TINAG: variants seen among roughly 807,000 people sequenced by gnomAD.
TINAG encodes the protein tubulointerstitial nephritis antigen.
In TINAG, 83 loss-of-function variants were observed where a neutral mutation model predicts 72.7. The ratio of observed to expected loss-of-function variants is 1.14; its 90% CI spans 0.96 to 1.37. TINAG has a LOEUF of 1.37. TINAG is among the 40% of genes most tolerant of loss of function. The pLI, the probability that TINAG is intolerant of heterozygous loss-of-function variation, is 0.00. For synonymous variants in TINAG, 234 were observed against 189.9 expected, an observed-to-expected ratio of 1.23 and a Z score of -1.91; for missense variants, 685 against 576.6, an observed-to-expected ratio of 1.19 and a Z score of -1.93.
rs1166023833 is a variant in TINAG, at chr6:54,380,507, T to C, written c.1251-19T>C. The C allele has an allele frequency of 1.2e-6, 2 of 1,603,030 alleles. No homozygotes were observed. The highest frequency in any genetic ancestry group is 1.7e-6 in the Non-Finnish European group (2 of 1,173,392). ...AACATTTTAACCATACCAATCTTTATTATTGTTATTAATTGTAGATGGGGC... is the reference window on the plus strand; with the variant it reads ...AACATTTTAACCATACCAATCTTTACTATTGTTATTAATTGTAGATGGGGC... On this transcript the variant is annotated intron_variant, in intron 9 of 10. Coordinates refer to ENST00000259782, the MANE Select transcript of TINAG (RefSeq NM_014464.4).
intron 4 of TINAG, among the ~76,000 whole-genome samples, chr6:54,329,252 C>A (rs1784681272): frequency 6.6e-6 from 1 of 152,076 alleles, no homozygotes; most frequent in Non-Finnish European, 1.5e-5. Context: ...CAAAGGGAAG[C>A]CCATCAGACT....
chr6:54,308,220 T>C, upstream of TINAG: 1 of 1,104,086 alleles, frequency 9.1e-7, no homozygotes, highest in South Asian at 1.4e-5. Flanking sequence ...CCTAGATTTT[T>C]TGAGAGGCAT....
At chr6:54,362,701 G>A (rs1056791295) in intron 9 of TINAG, among the ~76,000 whole-genome samples, 26 of 151,452 alleles carry the variant, frequency 1.7e-4, no homozygotes. Context: ...TTCTCTGATG[G>A]ATCTTGGCAA....
intron 1 of TINAG, among the ~76,000 whole-genome samples, chr6:54,315,747 C>A (rs2150931328): frequency 6.6e-6 from 1 of 151,856 alleles, no homozygotes; most frequent in South Asian, 2.1e-4. Flanking sequence ...GAAAACAGAG[C>A]TCGAGTGGAT....
rs192998197 is a variant in TINAG, at chr6:54,361,379, A to T, written c.1250+6743A>T. Among the ~76,000 whole-genome samples, 164 of 151,778 alleles carry T rather than the reference A, an allele frequency of 1.1e-3. 1 individual carries two copies. The highest frequency in any genetic ancestry group is 1.1e-3 in the Non-Finnish European group (72 of 67,794). ...GGCTGTGCAGGAGGTATGACTGGAG[A>T]GGTTTCAGGAAACTTACAATCATGG... is the stretch of plus-strand genomic sequence containing the variant. On this transcript the variant is annotated intron_variant, in intron 9 of 10. Coordinates refer to ENST00000259782, the MANE Select transcript of TINAG (RefSeq NM_014464.4).
chr6:54,375,426 A>C (rs971665870), intron 9 of TINAG, among the ~76,000 whole-genome samples: 1 of 152,166 alleles, frequency 6.6e-6, no homozygotes, highest in Non-Finnish European at 1.5e-5. Context: ...AACTAACCGG[A>C]TAATCAGAAA....
At chr6:54,382,582 A>ATAT (rs1387713853) in intron 10 of TINAG, among the ~76,000 whole-genome samples, 4 of 152,112 alleles carry the variant, frequency 2.6e-5, no homozygotes, top group Non-Finnish European at 4.4e-5. Flanking sequence ...ACAGATATAG[A>ATAT]TGATATAGAT....
intron 3 of TINAG, among the ~76,000 whole-genome samples, chr6:54,321,649 A>T (rs192805123): frequency 6.6e-6 from 1 of 152,262 alleles, no homozygotes; most frequent in East Asian, 1.9e-4. Flanking sequence ...GTGGAGGGAA[A>T]GCTACTTTGG....
chr6:54,376,486 A>G (rs1422157178), intron 9 of TINAG, among the ~76,000 whole-genome samples: 2 of 152,174 alleles, frequency 1.3e-5, no homozygotes, highest in African/African-American at 4.8e-5. Context: ...GGCATCTAAT[A>G]TGACTTCACT....
chr6:54,364,706 T>G (rs1238342327), intron 9 of TINAG, among the ~76,000 whole-genome samples: 1 of 151,408 alleles, frequency 6.6e-6, no homozygotes, highest in Non-Finnish European at 1.5e-5. Context: ...AAGCCATAGT[T>G]TTCTATTTTA....
At chr6:54,315,679 T>TAA (rs547071002) in intron 1 of TINAG, among the ~76,000 whole-genome samples, 5 of 89,166 alleles carry the variant, frequency 5.6e-5, no homozygotes, top group African/African-American at 1.1e-4. Flanking sequence ...CCTGTCAAAG[T>TAA]AAAAAAAAAA....
chr6:54,318,714 G>A (rs1307225418), intron 1 of TINAG, among the ~76,000 whole-genome samples: 1 of 152,158 alleles, frequency 6.6e-6, no homozygotes. Context: ...GACGATCTCT[G>A]TAAATGCTGT....
chr6:54,308,752 G>T lies in TINAG; in HGVS notation c.202G>T (p.Asp68Tyr). Reference protein sequence around the residue: ...RNFGCCEDRDDGCVTEFYAAN... With the variant: ...RNFGCCEDRDYGCVTEFYAAN... Reference sequence around the variant, plus strand: ...TTTTGGCTGTTGTGAAGACAGAGATGATGGCTGTGTCACTGAGTTCTATGC... The same window carrying T: ...TTTTGGCTGTTGTGAAGACAGAGATTATGGCTGTGTCACTGAGTTCTATGC... The change falls in exon 1 of 11, where the codon GAT becomes TAT. Residue 68 changes from aspartate (D) to tyrosine (Y), a missense_variant. By Grantham distance (160) the Asp-to-Tyr change is radical. Transcript: ENST00000259782. The T allele has an allele frequency of 6.2e-7, 1 of 1,613,926 alleles. No individual in the cohort carries two copies. Among genetic ancestry groups the T allele is most frequent in the Non-Finnish European group, 8.5e-7 (1 of 1,179,886 alleles).
intron 4 of TINAG, among the ~76,000 whole-genome samples, chr6:54,327,622 A>G (rs1050835665): frequency 6.6e-5 from 10 of 152,010 alleles, no homozygotes; most frequent in African/African-American, 2.4e-4. Flanking sequence ...ACTTTCCTGG[A>G]AAGTGGGCTG....
At chr6:54,374,364 A>G (rs888346844) in intron 9 of TINAG, among the ~76,000 whole-genome samples, 3 of 152,060 alleles carry the variant, frequency 2.0e-5, no homozygotes, top group African/African-American at 7.2e-5. Context: ...GATATATTGA[A>G]CCCTAGCTTG....
chr6:54,376,650 A>G (rs1763791020), intron 9 of TINAG, among the ~76,000 whole-genome samples: 1 of 152,194 alleles, frequency 6.6e-6, no homozygotes, highest in Non-Finnish European at 1.5e-5. Context: ...TAGCATAGTT[A>G]TCTAAAAAGA....
At chr6:54,384,573 C>T (rs1206680504) in intron 10 of TINAG, among the ~76,000 whole-genome samples, 1 of 151,906 alleles carries the variant, frequency 6.6e-6, no homozygotes, top group Non-Finnish European at 1.5e-5. Context: ...TGCTAAAATG[C>T]TGGATAAAAT....
At chr6:54,313,768 A>T in intron 1 of TINAG, among the ~76,000 whole-genome samples, 1 of 152,276 alleles carries the variant, frequency 6.6e-6, no homozygotes, top group African/African-American at 2.4e-5. Flanking sequence ...TAATTTACTC[A>T]TATGATTTAA....
intron 9 of TINAG, among the ~76,000 whole-genome samples, chr6:54,360,839 G>GTTTTTTTTTTTTTT (rs773926586): frequency 8.8e-4 from 15 of 16,958 alleles, no homozygotes; most frequent in East Asian, 2.3e-3. Context: ...CACAGATACT[G>GTTTTTTTTTTTTTT]TGTTTTTTTT....
Sources: allele counts gnomAD v4.1 joint callset (sites outside exome capture counted in the v4.1 genomes callset), GRCh38; gene constraint gnomAD v4.1.1; transcripts MANE v1.5; gene names NCBI Gene and HGNC (gene_info 2026-07-23, HGNC 2026-07-21).